The following CDYL2 variants were observed in gnomAD, a reference collection of about 807,000 sequenced individuals.
The protein encoded by CDYL2 is chromodomain Y like 2, also known as chromodomain Y-like protein 2.
A neutral mutation model predicts 49.4 loss-of-function variants in CDYL2; 23 were observed. That is an observed-to-expected ratio of 0.47 (90% CI 0.34 to 0.66). CDYL2 has a LOEUF of 0.66. CDYL2 is among the 30% of genes least tolerant of loss of function. CDYL2 has a pLI of 0.01. For missense variants in CDYL2, 678 were observed against 656.4 expected, an observed-to-expected ratio of 1.03 and a Z score of -0.36; for synonymous variants, 360 against 268.8, an observed-to-expected ratio of 1.34 and a Z score of -3.32.
At chr16:80,716,932 T>C (rs1466896706) in intron 1 of CDYL2, among the ~76,000 whole-genome samples, 2 of 149,304 alleles carry the variant, frequency 1.3e-5, no homozygotes, top group Admixed American at 6.6e-5. Flanking sequence ...GATAGACAGA[T>C]GAATGGATAG....
intron 3 of CDYL2, among the ~76,000 whole-genome samples, chr16:80,626,407 GC>G (rs1422830868): frequency 7.9e-5 from 12 of 152,120 alleles, no homozygotes; most frequent in African/African-American, 2.9e-4. Context: ...AACTGTAGTA[GC>G]AGGCAATAAT....
chr16:80,739,844 A>G (rs1905674041), intron 1 of CDYL2, among the ~76,000 whole-genome samples: 1 of 152,212 alleles, frequency 6.6e-6, no homozygotes, highest in African/African-American at 2.4e-5. Context: ...CCTGCTGTCC[A>G]CGGCAGGCCA....
intron 1 of CDYL2, among the ~76,000 whole-genome samples, chr16:80,721,162 A>G (rs951729766): frequency 6.6e-6 from 1 of 152,144 alleles, no homozygotes; most frequent in African/African-American, 2.4e-5. Flanking sequence ...AGAACAACCA[A>G]TGACAGAATA....
chr16:80,756,517 C>T (rs969848010), intron 1 of CDYL2, among the ~76,000 whole-genome samples: 6 of 151,984 alleles, frequency 3.9e-5, no homozygotes, highest in African/African-American at 1.2e-4. Context: ...ATGAACACAA[C>T]TGACAATAAA....
rs186533375 is a variant in CDYL2 at position 80,670,597 on chromosome 16, G to A, written c.616+13941C>T. On this transcript the variant is annotated intron_variant, in intron 2 of 6. Transcript: ENST00000570137. Reference sequence around the variant, plus strand: ...TGGCTGACATGGAGAAGGGAGCGCTGGAGTCCACCCATCTGGCTTCTCACC... The same window carrying A: ...TGGCTGACATGGAGAAGGGAGCGCTAGAGTCCACCCATCTGGCTTCTCACC... 3.3e-3 allele frequency among the ~76,000 whole-genome samples: 509 copies of A among 152,226 alleles called. 5 individuals are homozygous for A. Among genetic ancestry groups the A allele is most frequent in the Non-Finnish European group, 4.1e-3 (276 of 68,010 alleles).
At chr16:80,615,755 A>G (rs1465193183) in intron 4 of CDYL2, among the ~76,000 whole-genome samples, 1 of 152,154 alleles carries the variant, frequency 6.6e-6, no homozygotes, top group African/African-American at 2.4e-5. Flanking sequence ...CCAGGCGTGC[A>G]GAGCTCTGAC....
intron 2 of CDYL2, among the ~76,000 whole-genome samples, chr16:80,665,304 C>G (rs1357395423): frequency 6.6e-6 from 1 of 151,990 alleles, no homozygotes; most frequent in Non-Finnish European, 1.5e-5. Context: ...ATGTAGGGCA[C>G]TGCCGTACCT....
Position 80,767,938 on chromosome 16 carries a change from C to A in CDYL2, c.24+36212G>T, listed in dbSNP as rs185961562. 6.6e-5 allele frequency among the ~76,000 whole-genome samples: 10 copies of A among 152,292 alleles called. No homozygotes were observed. The East Asian group carries it at 1.9e-3, about 29-fold the overall frequency. On this transcript the variant is annotated intron_variant, in intron 1 of 6. Coordinates refer to ENST00000570137, the MANE Select transcript of CDYL2 (RefSeq NM_152342.4). ...ATTAGTGAAAATGGCTTCTCTGGAG[C>A]AACTTTACGGATGCAGGGCTGTATG...
rs560804327 is a variant in CDYL2, at chr16:80,704,009, G to A, written c.25-18880C>T. 5.3e-5 allele frequency among the ~76,000 whole-genome samples: 8 copies of A among 152,324 alleles called. No individual in the cohort carries two copies. The South Asian group carries it at 1.5e-3, about 28-fold the overall frequency. On this transcript the variant is annotated intron_variant, in intron 1 of 6. Transcript: ENST00000570137. ...AATTGAGTTACAGGATAGCGGAAGT[G>A]TGCATGTTGCTGGAAGATTGGGAGG... is the stretch of plus-strand genomic sequence containing the variant.
chr16:80,718,842 G>C (rs796709142), intron 1 of CDYL2, among the ~76,000 whole-genome samples: 2 of 152,184 alleles, frequency 1.3e-5, no homozygotes, highest in Non-Finnish European at 2.9e-5. Context: ...GTACTGACAA[G>C]AGCAGGGGAG....
At chr16:80,631,253 G>T (rs1191914120) in intron 3 of CDYL2, among the ~76,000 whole-genome samples, 1 of 152,192 alleles carries the variant, frequency 6.6e-6, no homozygotes, top group Non-Finnish European at 1.5e-5. Flanking sequence ...GAAATGACAT[G>T]AGATAAACAG....
chr16:80,753,491 C>A (rs991323122), intron 1 of CDYL2, among the ~76,000 whole-genome samples: 1 of 152,008 alleles, frequency 6.6e-6, no homozygotes, highest in African/African-American at 2.4e-5. Context: ...GCCTGTAATC[C>A]CAGCTACTCA....
intron 2 of CDYL2, among the ~76,000 whole-genome samples, chr16:80,644,714 T>C (rs1251008189): frequency 6.6e-6 from 1 of 152,146 alleles, no homozygotes; most frequent in Non-Finnish European, 1.5e-5. Context: ...ACTGCCCCCA[T>C]GATTCAAATT....
intron 2 of CDYL2, among the ~76,000 whole-genome samples, chr16:80,635,531 G>T (rs1039668751): frequency 6.6e-6 from 1 of 152,100 alleles, no homozygotes; most frequent in African/African-American, 2.4e-5. Flanking sequence ...TATTCAAGAA[G>T]AACCACACAC....
At chr16:80,759,134 A>G (rs1189699587) in intron 1 of CDYL2, among the ~76,000 whole-genome samples, 4 of 126,632 alleles carry the variant, frequency 3.2e-5, no homozygotes, top group African/African-American at 1.3e-4. Flanking sequence ...ATATATATAT[A>G]TATATGGTTT....
At chr16:80,780,064 T>C (rs1398187749) in intron 1 of CDYL2, among the ~76,000 whole-genome samples, 1 of 152,172 alleles carries the variant, frequency 6.6e-6, no homozygotes, top group East Asian at 1.9e-4. Context: ...CCAAACTTCA[T>C]ATAATCTAAG....
intron 1 of CDYL2, among the ~76,000 whole-genome samples, chr16:80,759,150 A>ATATATATGGTTTATATATAT (rs1211358459): frequency 1.2e-5 from 1 of 80,838 alleles, no homozygotes; most frequent in Non-Finnish European, 2.4e-5. Context: ...GGTTTATATA[A>ATATATATGGTTTATATATAT]ATATATGGTT....
intron 1 of CDYL2, among the ~76,000 whole-genome samples, chr16:80,691,133 TGG>T (rs1910398544): frequency 6.6e-6 from 1 of 152,076 alleles, no homozygotes; most frequent in Admixed American, 6.6e-5. Context: ...CAGCCATCCC[TGG>T]CCAGAAACAG....
Position 80,685,138 on chromosome 16 carries a change from C to T in CDYL2, c.25-9G>A, listed in dbSNP as rs754793248. 3.1e-6 allele frequency: 5 copies of T among 1,595,350 alleles called. No individual in the cohort carries two copies. The highest frequency in any genetic ancestry group is 2.6e-6 in the Non-Finnish European group (3 of 1,167,816). ...TCTACAATCCTTTCAACCTGCGATA[C>T]AAGATGAGAGGGTCAGAAAACAGAG... On this transcript the variant is annotated splice_polypyrimidine_tract_variant and intron_variant, in intron 1 of 6. Transcript: ENST00000570137.
Sources: gnomAD v4.1 joint callset for allele counts (sites outside exome capture counted in the v4.1 genomes callset) on GRCh38, gnomAD v4.1.1 for gene constraint, MANE v1.5 for transcripts, NCBI Gene and HGNC (gene_info 2026-07-23, HGNC 2026-07-21) for gene names.